LIN7A: variants seen among roughly 807,000 people sequenced by gnomAD.
LIN7A encodes protein lin-7 homolog A.
LIN7A carries 25 observed loss-of-function variants against 29.8 expected under a neutral mutation model. That is an observed-to-expected ratio of 0.84 (90% CI 0.61 to 1.17). The LOEUF (loss-of-function observed/expected upper bound fraction) is 1.17. Ranked by LOEUF, LIN7A falls within the 50% of genes most tolerant of loss-of-function variation. The pLI is 0.00. For synonymous variants in LIN7A, 118 were observed against 107.5 expected (o/e 1.10, Z -0.60); for missense variants, 239 against 287.0 (o/e 0.83, Z 1.21).
intron 1 of LIN7A, among the ~76,000 whole-genome samples, chr12:80,912,518 C>G (rs11831279): frequency 0.032 from 4,861 of 151,804 alleles, 247 homozygotes; most frequent in African/African-American, 0.11. Context: ...AGTTTGAGAC[C>G]AGCCTGGCCA....
intron 4 of LIN7A, among the ~76,000 whole-genome samples, chr12:80,832,875 G>C (rs527463680): frequency 1.3e-5 from 2 of 152,142 alleles, no homozygotes; most frequent in South Asian, 4.2e-4. Flanking sequence ...TGCTTGTTAG[G>C]GGACAGTTCA....
chr12:80,865,091 A>G (rs1468797610), intron 2 of LIN7A, among the ~76,000 whole-genome samples: 4 of 152,208 alleles, frequency 2.6e-5, no homozygotes, highest in Non-Finnish European at 4.4e-5. Flanking sequence ...TCAGCATTAA[A>G]GAAAAACAAC....
chr12:80,837,841 T>TCAC (rs201640807), intron 4 of LIN7A, among the ~76,000 whole-genome samples: 1 of 112,760 alleles, frequency 8.9e-6, no homozygotes, highest in East Asian at 3.5e-4. Flanking sequence ...ATCATCATCC[T>TCAC]CATCATCATC....
chr12:80,913,483 G>A (rs556406986), intron 1 of LIN7A, among the ~76,000 whole-genome samples: 1 of 152,304 alleles, frequency 6.6e-6, no homozygotes, highest in South Asian at 2.1e-4. Flanking sequence ...TGGAGACGAG[G>A]AAACGGGAGC....
chr12:80,821,178 G>A (rs1014564869), intron 4 of LIN7A, among the ~76,000 whole-genome samples: 1 of 152,160 alleles, frequency 6.6e-6, no homozygotes, highest in Non-Finnish European at 1.5e-5. Flanking sequence ...AGGGCAGAAA[G>A]GCCAGGGATT....
intron 2 of LIN7A, among the ~76,000 whole-genome samples, chr12:80,860,178 A>G (rs1873792148): frequency 6.6e-6 from 1 of 152,198 alleles, no homozygotes; most frequent in Admixed American, 6.5e-5. Flanking sequence ...ATGCATTTCC[A>G]GTGTTGATAG....
At chr12:80,856,147 A>C (rs1341643851) in intron 2 of LIN7A, among the ~76,000 whole-genome samples, 2 of 152,220 alleles carry the variant, frequency 1.3e-5, no homozygotes, top group Non-Finnish European at 2.9e-5. Flanking sequence ...ACTGTATACA[A>C]GTCATGTCTA....
intron 4 of LIN7A, among the ~76,000 whole-genome samples, chr12:80,838,371 G>A (rs764609717): frequency 1.2e-4 from 19 of 152,166 alleles, no homozygotes; most frequent in Non-Finnish European, 2.2e-4. Context: ...GAGATAGCAC[G>A]ATATTTCCCT....
At chr12:80,838,235 T>G (rs7313088) in intron 4 of LIN7A, among the ~76,000 whole-genome samples, 59,931 of 151,936 alleles carry the variant, frequency 0.39, 11,952 homozygotes, top group Non-Finnish European at 0.42. Flanking sequence ...GCACAATCTC[T>G]TGTATGCTCA....
chr12:80,857,924 G>A (rs531627674), intron 2 of LIN7A, among the ~76,000 whole-genome samples: 6 of 152,162 alleles, frequency 3.9e-5, no homozygotes, highest in Non-Finnish European at 8.8e-5. Context: ...ATGAGTAAAG[G>A]ATGGGGAGAC....
chr12:80,864,590 C>A lies in LIN7A; in HGVS notation c.202-16268G>T, dbSNP rs75193080. Among the ~76,000 whole-genome samples, 4 of 152,246 alleles carry A rather than the reference C, an allele frequency of 2.6e-5. No individual in the cohort carries two copies. The South Asian group carries it at 8.3e-4, about 32-fold the overall frequency. On this transcript the variant is annotated intron_variant, in intron 2 of 5. Transcript: ENST00000552864. ...CTGGCATGCAAAGCACTGAATGCGG[C>A]TTGTCTCAAGTAGCAGAGATGCTAA... is the stretch of plus-strand genomic sequence containing the variant.
chr12:80,873,428 G>A (rs74323783), intron 2 of LIN7A, among the ~76,000 whole-genome samples: 17 of 151,944 alleles, frequency 1.1e-4, no homozygotes, highest in Non-Finnish European at 1.6e-4. Context: ...AACTACTCAG[G>A]AGGCTGAGGT....
At chr12:80,854,488 A>C in intron 2 of LIN7A, among the ~76,000 whole-genome samples, 1 of 143,412 alleles carries the variant, frequency 7.0e-6, no homozygotes, top group Non-Finnish European at 1.5e-5. Flanking sequence ...TGCTAAGCCA[A>C]AAAAAAAAAA....
chr12:80,839,117 G>A (rs1288367445), intron 4 of LIN7A, among the ~76,000 whole-genome samples: 1 of 152,160 alleles, frequency 6.6e-6, no homozygotes, highest in Non-Finnish European at 1.5e-5. Flanking sequence ...AAAAACAACT[G>A]ATCTCTCTCC....
intron 1 of LIN7A, among the ~76,000 whole-genome samples, chr12:80,926,192 C>T (rs746647438): frequency 8.5e-5 from 13 of 152,176 alleles, no homozygotes; most frequent in Non-Finnish European, 1.8e-4. Context: ...AATATTTTAT[C>T]TGTTGACTTA....
chr12:80,889,060 G>A (rs1184154776), intron 2 of LIN7A, among the ~76,000 whole-genome samples, 191 bp downstream of exon 2: 1 of 152,046 alleles, frequency 6.6e-6, no homozygotes, highest in East Asian at 1.9e-4. Context: ...GGTTTTATAT[G>A]AATGTATAAA....
In LIN7A at chr12:80,891,107, A is replaced by C. The variant is rs1381490172; in HGVS notation, c.83-1738T>G. On this transcript the variant is annotated intron_variant, in intron 1 of 5. Coordinates refer to ENST00000552864, the MANE Select transcript of LIN7A (RefSeq NM_004664.4). ...TACAGATAGTCGGCAAGTGCGGTAG[A>C]TTCTATCTTGGAATTGCCTTTTGTA... is the stretch of plus-strand genomic sequence containing the variant. Among the ~76,000 whole-genome samples, 3 of 152,092 alleles carry C rather than the reference A, an allele frequency of 2.0e-5. No individual in the cohort carries two copies. In the South Asian group the frequency reaches 6.2e-4, roughly 32 times the overall value.
In LIN7A at chr12:80,797,433, CTTCTTACACTG is replaced by C. The variant is rs1402301498; in HGVS notation, c.*283_*293del. ...TTATTTAAAAGTCATAGACTTTATT[CTTCTTACACTG>C]TTTCAGTTTGCAGACTAGAAAACCT... is the stretch of plus-strand genomic sequence containing the variant. On this transcript the variant is annotated 3_prime_UTR_variant, in exon 6 of 6. Transcript: ENST00000552864. 1 of 152,610 alleles carries C rather than the reference CTTCTTACACTG, an allele frequency of 6.6e-6. No homozygotes were observed. The highest frequency in any genetic ancestry group is 1.5e-5 in the Non-Finnish European group (1 of 68,026). 9.5% of individuals were successfully genotyped at this position (152,610 alleles called of 1,614,324 possible).
intron 2 of LIN7A, among the ~76,000 whole-genome samples, chr12:80,880,129 T>C (rs985263494): frequency 1.2e-4 from 19 of 152,198 alleles, no homozygotes; most frequent in Non-Finnish European, 1.5e-5. Context: ...CTCACTAAAG[T>C]CTTTCTTTCA....
Sources: allele counts gnomAD v4.1 joint callset (sites outside exome capture counted in the v4.1 genomes callset), GRCh38; gene constraint gnomAD v4.1.1; transcripts MANE v1.5; gene names NCBI Gene and HGNC (gene_info 2026-07-23, HGNC 2026-07-21).